Variants in ASAP1 observed in about 807,000 individuals in gnomAD.
The protein encoded by ASAP1 is ArfGAP with SH3 domain, ankyrin repeat and PH domain 1.
A neutral mutation model predicts 145.2 loss-of-function variants in ASAP1; 43 were observed. The ratio of observed to expected loss-of-function variants is 0.30; its 90% CI spans 0.23 to 0.38. ASAP1 has a LOEUF of 0.38. ASAP1 is among the 10% of genes least tolerant of loss of function. The pLI, the probability that ASAP1 is intolerant of heterozygous loss-of-function variation, is 1.00. For synonymous variants in ASAP1, 546 were observed against 515.5 expected (o/e 1.06, Z -0.80); for missense variants, 1,018 against 1,355.3 (o/e 0.75, Z 3.91).
At position 130,284,842 on chromosome 8, in the gene ASAP1, T is replaced by TACACACACACAC. The variant is rs34799517; in HGVS notation, c.187-47860_187-47849dup. Among the ~76,000 whole-genome samples, 857 of 141,612 alleles carry TACACACACACAC rather than the reference T, an allele frequency of 6.1e-3. 4 individuals are homozygous for TACACACACACAC. Among genetic ancestry groups the TACACACACACAC allele is most frequent in the Middle Eastern group, 0.018 (5 of 278 alleles). 92.9% of individuals were successfully genotyped at this position (141,612 alleles called of 152,430 possible). ...AAAACCAATCATTCCTTTTACACTC[T>TACACACACACAC]ACACACACACACACACACACACACA... On this transcript the variant is annotated intron_variant, in intron 3 of 29. Coordinates refer to ENST00000518721, the MANE Select transcript of ASAP1 (RefSeq NM_018482.4).
At chr8:130,242,281 A>C (rs201499638) in intron 3 of ASAP1, among the ~76,000 whole-genome samples, 12 of 150,492 alleles carry the variant, frequency 8.0e-5, no homozygotes, top group East Asian at 7.8e-4. Context: ...AAAAAAAAAA[A>C]AACAACTTTT....
chr8:130,298,884 A>G (rs937879676), intron 3 of ASAP1, among the ~76,000 whole-genome samples: 9 of 152,168 alleles, frequency 5.9e-5, no homozygotes, highest in Non-Finnish European at 1.2e-4. Context: ...CTGTTTATTC[A>G]TATGTCTGCC....
intron 11 of ASAP1, among the ~76,000 whole-genome samples, chr8:130,160,306 A>T (rs1443356434): frequency 6.6e-6 from 1 of 152,208 alleles, no homozygotes; most frequent in Non-Finnish European, 1.5e-5. Context: ...CAAACACAGG[A>T]GGGACTGGAA....
chr8:130,158,206 T>TA (rs2097661733), intron 12 of ASAP1, among the ~76,000 whole-genome samples: 1 of 152,014 alleles, frequency 6.6e-6, no homozygotes, highest in African/African-American at 2.4e-5. Flanking sequence ...GAGCTTTCTT[T>TA]TAAAAAAAAA....
intron 3 of ASAP1, among the ~76,000 whole-genome samples, chr8:130,331,568 T>C (rs963320300): frequency 6.6e-6 from 1 of 152,180 alleles, no homozygotes; most frequent in Non-Finnish European, 1.5e-5. Flanking sequence ...AGGAAGTTAC[T>C]TAATTTTAGA....
At chr8:130,070,125 C>T (rs2097439501) in intron 27 of ASAP1, among the ~76,000 whole-genome samples, 1 of 151,666 alleles carries the variant, frequency 6.6e-6, no homozygotes, top group Non-Finnish European at 1.5e-5. Flanking sequence ...CAAGCTCCGC[C>T]TCCCGGGTTC....
chr8:130,308,517 A>C (rs1473475381), intron 3 of ASAP1, among the ~76,000 whole-genome samples: 1 of 152,254 alleles, frequency 6.6e-6, no homozygotes, highest in Non-Finnish European at 1.5e-5. Context: ...AGTGTAACTA[A>C]GATCTTTTGA....
At chr8:130,380,880 G>A (rs964815715) in intron 2 of ASAP1, among the ~76,000 whole-genome samples, 1 of 151,882 alleles carries the variant, frequency 6.6e-6, no homozygotes, top group African/African-American at 2.4e-5. Context: ...ACTACACCTG[G>A]CTACTTTATT....
intron 2 of ASAP1, among the ~76,000 whole-genome samples, chr8:130,374,179 A>G (rs940376080): frequency 6.6e-6 from 1 of 152,164 alleles, no homozygotes; most frequent in Non-Finnish European, 1.5e-5. Flanking sequence ...TACTTTCCTC[A>G]TCTCTAAAAT....
intron 27 of ASAP1, among the ~76,000 whole-genome samples, chr8:130,074,769 G>A (rs954883192): frequency 6.6e-6 from 1 of 152,216 alleles, no homozygotes; most frequent in African/African-American, 2.4e-5. Flanking sequence ...GAGAGACAGT[G>A]TAGGGGAGTG....
At chr8:130,106,125 T>C (rs1405988622) in intron 24 of ASAP1, among the ~76,000 whole-genome samples, 1 of 152,064 alleles carries the variant, frequency 6.6e-6, no homozygotes, top group African/African-American at 2.4e-5. Context: ...GTGATTCACG[T>C]GCAATGCCTT....
Position 130,072,824 on chromosome 8 carries a change from T to TGTGCGTGTGCGCGCGCGCGCAC in ASAP1, c.2701+3523_2701+3524insGTGCGCGCGCGCGCACACGCAC. ...GTGTGTGTGTGTGTGTGTGTGTGTG[T>TGTGCGTGTGCGCGCGCGCGCAC]GCGCGCGGGGGGGGGCAGTTTTGGG... is the stretch of plus-strand genomic sequence containing the variant. On this transcript the variant is annotated intron_variant, in intron 27 of 29. Coordinates refer to ENST00000518721, the MANE Select transcript of ASAP1 (RefSeq NM_018482.4). Among the ~76,000 whole-genome samples the TGTGCGTGTGCGCGCGCGCGCAC allele has an allele frequency of 1.9e-4, 6 of 32,316 alleles. No individual in the cohort carries two copies. The East Asian group carries it at 9.7e-3, about 52-fold the overall frequency. The allele number at this position is 32,316 out of a possible 152,430, so 21.2% of individuals were successfully genotyped here. A position where few individuals can be genotyped will look rare whatever the true frequency, so the allele number is the denominator to read the frequency against.
chr8:130,362,193 A>AG (rs1271292743), intron 2 of ASAP1, among the ~76,000 whole-genome samples: 1 of 152,106 alleles, frequency 6.6e-6, no homozygotes, highest in African/African-American at 2.4e-5. Context: ...CTTATAACCA[A>AG]GGGGGGATGC....
At chr8:130,158,000 G>A (rs1033280358) in intron 12 of ASAP1, among the ~76,000 whole-genome samples, 1 of 152,146 alleles carries the variant, frequency 6.6e-6, no homozygotes, top group East Asian at 1.9e-4. Context: ...GGACCTAGAA[G>A]AGTGAGTCCT....
chr8:130,262,416 A>AAAG (rs1819974520), intron 3 of ASAP1, among the ~76,000 whole-genome samples: 84 of 57,866 alleles, frequency 1.5e-3, no homozygotes, highest in Non-Finnish European at 2.2e-3. Context: ...AAAAAAAAAA[A>AAAG]AGAGAGAGAG....
At chr8:130,408,199 A>G (rs1829116482) in intron 1 of ASAP1, among the ~76,000 whole-genome samples, 1 of 152,180 alleles carries the variant, frequency 6.6e-6, no homozygotes, top group Admixed American at 6.5e-5. Context: ...TTATGTGTCA[A>G]CTTGACTGGG....
rs759358348 is a variant in ASAP1 at position 130,339,407 on chromosome 8, A to G, written c.186+18610T>C. Among the ~76,000 whole-genome samples the G allele has an allele frequency of 1.9e-4, 29 of 152,224 alleles. 1 individual carries two copies. The highest frequency in any genetic ancestry group is 1.9e-3 in the Admixed American group (29 of 15,282). ...TTATGGAGAGAAAATTTTAAGAATC[A>G]GCAAATTTACAAGTATCCTTGAGTA... On this transcript the variant is annotated intron_variant, in intron 3 of 29. Coordinates refer to ENST00000518721, the MANE Select transcript of ASAP1 (RefSeq NM_018482.4).
chr8:130,225,738 C>A (rs1032936729), intron 4 of ASAP1, among the ~76,000 whole-genome samples: 1 of 152,194 alleles, frequency 6.6e-6, no homozygotes, highest in Non-Finnish European at 1.5e-5. Flanking sequence ...CAAGAGGTAG[C>A]AGCATACCAT....
chr8:130,398,553 AAGTAGCAGTAGTCATATCAGAAGTGGC>A (rs1828637276), intron 2 of ASAP1, among the ~76,000 whole-genome samples: 1 of 152,158 alleles, frequency 6.6e-6, no homozygotes, highest in African/African-American at 2.4e-5. Context: ...TAAGTAACAG[AAGTAGCAGTAGTCATATCAGAAGTGGC>A]AGTAGCAGTA....
Sources: allele counts gnomAD v4.1 joint callset (sites outside exome capture counted in the v4.1 genomes callset), GRCh38; gene constraint gnomAD v4.1.1; transcripts MANE v1.5; gene names NCBI Gene and HGNC (gene_info 2026-07-23, HGNC 2026-07-21).